NAA60: variants seen among roughly 807,000 people sequenced by gnomAD.
NAA60 encodes the protein N-alpha-acetyltransferase 60.
NAA60 carries 8 observed loss-of-function variants against 26.1 expected under a neutral mutation model. That is an observed-to-expected ratio of 0.31 (90% confidence interval 0.18 to 0.55). The LOEUF (loss-of-function observed/expected upper bound fraction) is 0.55. Ranked by LOEUF, NAA60 falls within the 20% of genes least tolerant of loss-of-function variation. The pLI is 0.93. For synonymous variants in NAA60, 131 were observed against 122.5 expected (o/e 1.07, Z -0.46); for missense variants, 290 against 311.3 (o/e 0.93, Z 0.51).
Position 3,443,745 on chromosome 16 carries a change from A to C in NAA60, c.-169A>C, listed in dbSNP as rs1000055627. ...TGTTTGCCTGCTGAAGTAGAGTCTTAGGGTGACCCCAGGGGGACGTAATGT... is the reference window on the plus strand; with the variant it reads ...TGTTTGCCTGCTGAAGTAGAGTCTTCGGGTGACCCCAGGGGGACGTAATGT... On this transcript the variant is annotated 5_prime_UTR_variant, in exon 1 of 8. Transcript: ENST00000407558. The C allele has an allele frequency of 1.4e-5, 21 of 1,529,782 alleles. No homozygotes were observed. In the Admixed American group the frequency reaches 3.8e-4, roughly 27 times the overall value. 94.8% of individuals were successfully genotyped at this position (1,529,782 alleles called of 1,614,324 possible). A position where few individuals can be genotyped will look rare whatever the true frequency, so the allele number is the denominator to read the frequency against.
At chr16:3,453,935 C>A (rs1456180061) in intron 2 of NAA60, among the ~76,000 whole-genome samples, 1 of 152,100 alleles carries the variant, frequency 6.6e-6, no homozygotes, top group African/African-American at 2.4e-5. Context: ...TGTCCAGGAT[C>A]CAGAGCAGGG....
At chr16:3,456,186 C>G (rs950550582) in intron 2 of NAA60, among the ~76,000 whole-genome samples, 4 of 152,206 alleles carry the variant, frequency 2.6e-5, no homozygotes, top group African/African-American at 4.8e-5. Flanking sequence ...TCAAACTGTA[C>G]TGTGCTTGTT....
chr16:3,451,856 T>A lies in NAA60; in HGVS notation c.-7+3316T>A, dbSNP rs768359268. Among the ~76,000 whole-genome samples, 8 of 151,220 alleles carry A rather than the reference T, an allele frequency of 5.3e-5. No homozygotes were observed. The East Asian group carries it at 1.2e-3, about 22-fold the overall frequency. On this transcript the variant is annotated intron_variant, in intron 2 of 7. Coordinates refer to ENST00000407558, the MANE Select transcript of NAA60 (RefSeq NM_001083601.3). The stretch of plus-strand genomic sequence containing the variant: ...TCACTTGAGCCCAGGAGGCAGAAAT[T>A]GCAGTGAGCTGAGACCACACGACTG...
chr16:3,472,531 C>G (rs546262668), intron 2 of NAA60: 1 of 152,342 alleles, frequency 6.6e-6, no homozygotes, highest in African/African-American at 2.4e-5. Context: ...CGCCCAAGTT[C>G]AAGCAATTCT....
chr16:3,469,078 A>G (rs954839310), intron 2 of NAA60, among the ~76,000 whole-genome samples: 25 of 141,578 alleles, frequency 1.8e-4, no homozygotes, highest in African/African-American at 5.8e-4. Flanking sequence ...AGAGCCAGAC[A>G]ACATCTCAAA....
intron 1 of NAA60, among the ~76,000 whole-genome samples, chr16:3,444,204 G>A (rs1439054276): frequency 6.6e-6 from 1 of 152,146 alleles, no homozygotes; most frequent in African/African-American, 2.4e-5. Context: ...CTACCCTAGA[G>A]CCAGTCATTT....
At chr16:3,465,312 C>T (rs1020292333) in intron 2 of NAA60, among the ~76,000 whole-genome samples, 2 of 151,804 alleles carry the variant, frequency 1.3e-5, no homozygotes, top group Admixed American at 1.3e-4. Context: ...TCATCCGAAG[C>T]AAGAGAGGCA....
intron 2 of NAA60, among the ~76,000 whole-genome samples, chr16:3,471,427 C>T (rs559090281): frequency 2.0e-5 from 3 of 152,176 alleles, no homozygotes; most frequent in East Asian, 1.9e-4. Flanking sequence ...GGCGTGAACC[C>T]GGGAGGCGGA....
rs561287771 is a variant in NAA60 at position 3,484,483 on chromosome 16, T to A, written c.573-216T>A. 8 of 616,846 alleles carry A rather than the reference T, an allele frequency of 1.3e-5. No individual in the cohort carries two copies. In the South Asian group the frequency reaches 1.4e-4, roughly 11 times the overall value. The allele number at this position is 616,846 out of a possible 1,614,324, so 38.2% of individuals were successfully genotyped here. A position where few individuals can be genotyped will look rare whatever the true frequency, so the allele number is the denominator to read the frequency against. On this transcript the variant is annotated intron_variant, in intron 6 of 7. Coordinates refer to ENST00000407558, the MANE Select transcript of NAA60 (RefSeq NM_001083601.3). ...CCTGCTGCCTCACTCAGAAGGCCCTTCTGTCCCCAGACCCCACCCTCTGTT... is the reference window on the plus strand; with the variant it reads ...CCTGCTGCCTCACTCAGAAGGCCCTACTGTCCCCAGACCCCACCCTCTGTT...
chr16:3,469,134 A>G (rs59585663), intron 2 of NAA60, among the ~76,000 whole-genome samples: 5,519 of 151,944 alleles, frequency 0.036, 234 homozygotes, highest in South Asian at 0.12. Context: ...CCCGTGCAAT[A>G]CTTCCCTGCT....
In NAA60 at chr16:3,484,680, T is replaced by C; in HGVS notation, c.573-19T>C. The stretch of plus-strand genomic sequence containing the variant: ...AGCGTGGTCAGGGCAAGTCGGAATC[T>C]TCCTTAACAGAGCCCCACGGACTAC... On this transcript the variant is annotated intron_variant, in intron 6 of 7. Coordinates refer to ENST00000407558, the MANE Select transcript of NAA60 (RefSeq NM_001083601.3). 6.3e-7 allele frequency: 1 copy of C among 1,578,104 alleles called. No individual in the cohort carries two copies. Among genetic ancestry groups the C allele is most frequent in the Non-Finnish European group, 8.6e-7 (1 of 1,163,102 alleles).
chr16:3,461,728 C>A (rs2035407732), intron 2 of NAA60, among the ~76,000 whole-genome samples: 1 of 152,108 alleles, frequency 6.6e-6, no homozygotes, highest in Non-Finnish European at 1.5e-5. Context: ...ACATGCAGAA[C>A]AAATGTTTGA....
At chr16:3,450,107 G>C (rs960834523) in intron 2 of NAA60, 3 of 391,648 alleles carry the variant, frequency 7.7e-6, no homozygotes, top group Admixed American at 4.4e-5. Flanking sequence ...AAAATATTTG[G>C]CTCCTGACTG....
Position 3,476,283 on chromosome 16 carries a change from G to A in NAA60, c.56G>A (p.Cys19Tyr), listed in dbSNP as rs1308016361. 6.2e-7 allele frequency: 1 copy of A among 1,613,954 alleles called. No individual in the cohort carries two copies. Among genetic ancestry groups the A allele is most frequent in the Admixed American group, 1.7e-5 (1 of 60,010 alleles). ...AGCGAGGTCAGCCTGCGCCTCCTCT[G>A]CCACGATGACATAGACACTGTGAAG... ...ALSEVSLRLLCHDDIDTVKHL... is the reference protein window; with the variant it reads ...ALSEVSLRLLYHDDIDTVKHL... The change falls in exon 3 of 8, where the codon TGC (cysteine) becomes TAC (tyrosine). Residue 19 changes from cysteine (C) to tyrosine (Y), a missense_variant. Physicochemically the swap from Cys to Tyr is radical, Grantham distance 194. Coordinates refer to ENST00000407558, the MANE Select transcript of NAA60 (RefSeq NM_001083601.3).
At chr16:3,470,581 G>T (rs1004742668) in intron 2 of NAA60, among the ~76,000 whole-genome samples, 1 of 152,076 alleles carries the variant, frequency 6.6e-6, no homozygotes, top group South Asian at 2.1e-4. Context: ...CCTTGGGCCT[G>T]CTGTGACTGC....
At chr16:3,470,689 C>T (rs960397297) in intron 2 of NAA60, among the ~76,000 whole-genome samples, 7 of 152,228 alleles carry the variant, frequency 4.6e-5, no homozygotes, top group African/African-American at 1.4e-4. Context: ...GCCGCTGGCC[C>T]TGCCTTTGGA....
chr16:3,448,273 CAAA>C (rs34119288), intron 1 of NAA60, among the ~76,000 whole-genome samples, 195 bp from the exon 2 acceptor site: 12 of 118,684 alleles, frequency 1.0e-4, no homozygotes, highest in African/African-American at 2.0e-4. Flanking sequence ...GACCTTGTCT[CAAA>C]AAAAAAAAAA....
rs373668490 is a variant in NAA60 at position 3,479,608 on chromosome 16, C to G, written c.240+8C>G. On this transcript the variant is annotated splice_region_variant and intron_variant, in intron 4 of 7. Coordinates refer to ENST00000407558, the MANE Select transcript of NAA60 (RefSeq NM_001083601.3). Reference sequence around the variant, plus strand: ...ACCAAAATACATAAAGAGGTACGTACGTGTGTGCAGTGAGGACTTGGCAGT... The same window carrying G: ...ACCAAAATACATAAAGAGGTACGTAGGTGTGTGCAGTGAGGACTTGGCAGT... 1.7e-5 allele frequency: 28 copies of G among 1,613,572 alleles called. No homozygotes were observed. The highest frequency in any genetic ancestry group is 2.3e-5 in the Non-Finnish European group (27 of 1,179,744).
chr16:3,449,380 T>C (rs1221854446), intron 2 of NAA60, among the ~76,000 whole-genome samples: 8 of 152,056 alleles, frequency 5.3e-5, no homozygotes. Flanking sequence ...TAGCTGGGCG[T>C]GGTGGTGGGC....
Sources: gnomAD v4.1 joint callset for allele counts (sites outside exome capture counted in the v4.1 genomes callset) on GRCh38, gnomAD v4.1.1 for gene constraint, MANE v1.5 for transcripts, NCBI Gene and HGNC (gene_info 2026-07-23, HGNC 2026-07-21) for gene names.